TBC1D22A: variants seen among roughly 807,000 people sequenced by gnomAD.
The protein encoded by TBC1D22A is TBC1 domain family member 22A.
TBC1D22A carries 38 observed loss-of-function variants against 60.2 expected under a neutral mutation model. The ratio of observed to expected loss-of-function variants is 0.63; its 90% CI spans 0.49 to 0.83. The LOEUF (loss-of-function observed/expected upper bound fraction) is 0.83, where lower values mean the gene tolerates loss of function less well. Among genes scored for constraint, TBC1D22A ranks in the 40% least tolerant of loss-of-function variants. The pLI is 0.00. For missense variants in TBC1D22A, 628 were observed against 701.0 expected (o/e 0.90, Z 1.18); for synonymous variants, 302 against 281.7 (o/e 1.07, Z -0.72).
intron 11 of TBC1D22A, among the ~76,000 whole-genome samples, chr22:47,099,420 G>A (rs558665739): frequency 2.6e-5 from 4 of 152,086 alleles, no homozygotes; most frequent in East Asian, 3.9e-4. Context: ...GAGCAGCCTC[G>A]TCCCTGCTTT....
At chr22:46,980,043 C>G (rs937486025) in intron 9 of TBC1D22A, among the ~76,000 whole-genome samples, 3 of 152,064 alleles carry the variant, frequency 2.0e-5, no homozygotes. Flanking sequence ...AGCGATTGCT[C>G]TCGTTAGGAG....
At chr22:46,934,845 CCAGGGGCCCTCCCTGGGCT>C (rs1254807248) in intron 8 of TBC1D22A, among the ~76,000 whole-genome samples, 1 of 152,176 alleles carries the variant, frequency 6.6e-6, no homozygotes, top group East Asian at 1.9e-4. Flanking sequence ...CTTCGCCTGT[CCAGGGGCCCTCCCTGGGCT>C]CAGGGGCCAT....
rs538823140 is a variant in TBC1D22A, at chr22:47,015,870, G to A, written c.1201+18161G>A. 1.1e-4 allele frequency among the ~76,000 whole-genome samples: 17 copies of A among 152,286 alleles called. 1 individual carries two copies. Among genetic ancestry groups the A allele is most frequent in the Non-Finnish European group, 2.2e-4 (15 of 68,012 alleles). On this transcript the variant is annotated intron_variant, in intron 10 of 12. Coordinates refer to ENST00000337137, the MANE Select transcript of TBC1D22A (RefSeq NM_014346.5). ...TGGAGCCAGGCCAGCCGAGGAGCCT[G>A]GGCTTCTCCTCATGTCCATCTGTCT...
chr22:46,931,683 C>T (rs998917442), intron 8 of TBC1D22A, among the ~76,000 whole-genome samples: 4 of 152,334 alleles, frequency 2.6e-5, no homozygotes, highest in East Asian at 1.9e-4. Context: ...CCCAGACAGA[C>T]GCCTGGCCCC....
intron 10 of TBC1D22A, among the ~76,000 whole-genome samples, chr22:47,027,391 G>A (rs2062291700): frequency 6.6e-6 from 1 of 152,254 alleles, no homozygotes; most frequent in Admixed American, 6.5e-5. Context: ...ACATGAGTAA[G>A]TTCTTTAGTG....
At chr22:47,172,120 C>T (rs925657651) in intron 12 of TBC1D22A, among the ~76,000 whole-genome samples, 2 of 135,582 alleles carry the variant, frequency 1.5e-5, no homozygotes, top group Non-Finnish European at 3.3e-5. Flanking sequence ...ACCCAGAGTG[C>T]CCAGTGAGCC....
At chr22:46,799,567 C>T (rs2084809496) in intron 4 of TBC1D22A, among the ~76,000 whole-genome samples, 1 of 152,188 alleles carries the variant, frequency 6.6e-6, no homozygotes, top group African/African-American at 2.4e-5. Context: ...CAGTAATGTC[C>T]TTTCCCTCTT....
chr22:47,006,055 T>C (rs1001691320), intron 10 of TBC1D22A, among the ~76,000 whole-genome samples: 1 of 151,952 alleles, frequency 6.6e-6, no homozygotes, highest in Admixed American at 6.5e-5. Flanking sequence ...CACACACACA[T>C]GTATTTAGAC....
At chr22:46,864,270 C>T (rs534101549) in intron 4 of TBC1D22A, among the ~76,000 whole-genome samples, 1 of 152,324 alleles carries the variant, frequency 6.6e-6, no homozygotes, top group African/African-American at 2.4e-5. Flanking sequence ...AGAAAAGCTG[C>T]CAGGCAACAA....
chr22:46,775,189 C>T (rs766204897), intron 1 of TBC1D22A, among the ~76,000 whole-genome samples: 5 of 152,182 alleles, frequency 3.3e-5, no homozygotes, highest in Non-Finnish European at 5.9e-5. Context: ...CACTGTGGCT[C>T]TCTTAGGGGT....
At chr22:46,805,742 C>G (rs1331797457) in intron 4 of TBC1D22A, among the ~76,000 whole-genome samples, 1 of 152,228 alleles carries the variant, frequency 6.6e-6, no homozygotes, top group Non-Finnish European at 1.5e-5. Context: ...TGGCAGCCAA[C>G]TGTGTTTGCC....
At chr22:46,876,421 T>C (rs2147475748) in intron 4 of TBC1D22A, among the ~76,000 whole-genome samples, 1 of 152,312 alleles carries the variant, frequency 6.6e-6, no homozygotes, top group Admixed American at 6.5e-5. Flanking sequence ...ATATAAATCG[T>C]TCTATTACAG....
intron 11 of TBC1D22A, among the ~76,000 whole-genome samples, chr22:47,100,987 AT>A (rs1308107409): frequency 6.6e-6 from 1 of 151,874 alleles, no homozygotes; most frequent in Non-Finnish European, 1.5e-5. Flanking sequence ...AAAGAACCAT[AT>A]TTCTCTTCCA....
intron 7 of TBC1D22A, among the ~76,000 whole-genome samples, chr22:46,909,827 G>A (rs536070108): frequency 3.6e-4 from 55 of 152,228 alleles, no homozygotes; most frequent in Admixed American, 1.0e-3. Context: ...CTAGTCACAC[G>A]CCGTCCCCTG....
At chr22:46,898,626 G>C (rs1275478671) in intron 7 of TBC1D22A, among the ~76,000 whole-genome samples, 1 of 152,086 alleles carries the variant, frequency 6.6e-6, no homozygotes, top group Non-Finnish European at 1.5e-5. Flanking sequence ...GACACAATGG[G>C]GCAGGGAACA....
chr22:46,931,885 T>C (rs556561174), intron 8 of TBC1D22A, among the ~76,000 whole-genome samples: 1 of 152,388 alleles, frequency 6.6e-6, no homozygotes, highest in East Asian at 1.9e-4. Flanking sequence ...GAAATGTTAA[T>C]GGACTTTAAA....
chr22:46,984,439 G>A (rs1338468777), intron 9 of TBC1D22A, among the ~76,000 whole-genome samples: 1 of 141,508 alleles, frequency 7.1e-6, no homozygotes, highest in African/African-American at 2.6e-5. Context: ...GCCCTCTCAG[G>A]CTTTTAGGGG....
intron 11 of TBC1D22A, among the ~76,000 whole-genome samples, chr22:47,064,405 G>C (rs993648893): frequency 1.3e-5 from 2 of 152,264 alleles, no homozygotes; most frequent in Non-Finnish European, 2.9e-5. Flanking sequence ...TGCAGATGGA[G>C]CTGTTCAGCT....
At chr22:47,057,349 T>A (rs1040351593) in intron 11 of TBC1D22A, among the ~76,000 whole-genome samples, 2 of 152,196 alleles carry the variant, frequency 1.3e-5, no homozygotes, top group African/African-American at 4.8e-5. Context: ...CCGTCCCGCC[T>A]TCCCCTGCAC....
Sources: gnomAD v4.1 joint callset for allele counts (sites outside exome capture counted in the v4.1 genomes callset) on GRCh38, gnomAD v4.1.1 for gene constraint, MANE v1.5 for transcripts, NCBI Gene and HGNC (gene_info 2026-07-23, HGNC 2026-07-21) for gene names.